The following UST variants were observed in gnomAD, a reference collection of about 807,000 sequenced individuals.
The protein encoded by UST is uronyl 2-sulfotransferase.
A neutral mutation model predicts 45.6 loss-of-function variants in UST; 21 were observed. That is an observed-to-expected ratio of 0.46 (90% CI 0.33 to 0.66). The LOEUF (loss-of-function observed/expected upper bound fraction) is 0.66, where lower values mean the gene tolerates loss of function less well. Among genes scored for constraint, UST ranks in the 30% least tolerant of loss-of-function variants. The pLI is 0.02. For missense variants in UST, 463 were observed against 512.4 expected (o/e 0.90, Z 0.93); for synonymous variants, 215 against 200.6 (o/e 1.07, Z -0.61).
At chr6:149,070,628 T>C (rs999479267) in intron 7 of UST, among the ~76,000 whole-genome samples, 1 of 152,226 alleles carries the variant, frequency 6.6e-6, no homozygotes, top group Non-Finnish European at 1.5e-5. Flanking sequence ...TTTTAATTAA[T>C]ACCTAATGGG....
intron 4 of UST, among the ~76,000 whole-genome samples, chr6:148,962,542 T>C (rs554127993): frequency 1.6e-4 from 25 of 152,298 alleles, no homozygotes; most frequent in Middle Eastern, 6.8e-3. Flanking sequence ...GAAACCCAAT[T>C]TAATTTTAAA....
chr6:148,997,323 A>G (rs1230423785), intron 5 of UST, among the ~76,000 whole-genome samples: 1 of 152,212 alleles, frequency 6.6e-6, no homozygotes, highest in Admixed American at 6.5e-5. Context: ...AAGCAGGACC[A>G]ATGAAAGGGT....
intron 5 of UST, among the ~76,000 whole-genome samples, chr6:148,971,348 A>T (rs529941371): frequency 3.5e-4 from 54 of 152,356 alleles, no homozygotes; most frequent in African/African-American, 1.2e-3. Context: ...TGGAAATAAA[A>T]TGTTGAGCTA....
intron 2 of UST, among the ~76,000 whole-genome samples, chr6:148,897,201 A>G (rs375541960): frequency 2.0e-5 from 3 of 152,126 alleles, no homozygotes; most frequent in South Asian, 2.1e-4. Context: ...TGAGTCTCAC[A>G]CTGTCGTCCA....
intron 1 of UST, among the ~76,000 whole-genome samples, chr6:148,765,366 C>A (rs775841008): frequency 2.6e-5 from 4 of 152,130 alleles, no homozygotes; most frequent in Non-Finnish European, 4.4e-5. Context: ...TGGTTACTAT[C>A]ATCTTGTAGT....
chr6:148,829,924 C>T (rs1191606846), intron 1 of UST, among the ~76,000 whole-genome samples: 2 of 152,128 alleles, frequency 1.3e-5, no homozygotes, highest in Non-Finnish European at 2.9e-5. Context: ...GCAAGAACAT[C>T]CTGGGGTTAG....
At chr6:149,057,708 T>C (rs781746636) in intron 7 of UST, among the ~76,000 whole-genome samples, 2 of 152,158 alleles carry the variant, frequency 1.3e-5, no homozygotes, top group African/African-American at 2.4e-5. Context: ...CAAAATGTAA[T>C]TGGTAATAAT....
intron 2 of UST, among the ~76,000 whole-genome samples, chr6:148,899,944 G>A (rs1304263479): frequency 6.6e-6 from 1 of 152,114 alleles, no homozygotes; most frequent in Non-Finnish European, 1.5e-5. Flanking sequence ...CTAGGTGTAT[G>A]TTATTGGGGC....
intron 7 of UST, among the ~76,000 whole-genome samples, chr6:149,060,491 A>G (rs1183987615): frequency 6.6e-6 from 1 of 152,104 alleles, no homozygotes; most frequent in Admixed American, 6.5e-5. Context: ...GCTGTATTTC[A>G]TCTCTTTGAA....
At chr6:149,024,136 G>C (rs1776018846) in intron 7 of UST, among the ~76,000 whole-genome samples, 1 of 152,200 alleles carries the variant, frequency 6.6e-6, no homozygotes, top group African/African-American at 2.4e-5. Context: ...TTAAAACAGT[G>C]AAACACTTCT....
At chr6:148,967,071 ATT>A (rs1422262828) in intron 5 of UST, among the ~76,000 whole-genome samples, 6 of 152,164 alleles carry the variant, frequency 3.9e-5, no homozygotes, top group African/African-American at 1.4e-4. Context: ...GTCATAAAAT[ATT>A]GAAAGTTGGT....
chr6:148,816,164 T>C (rs755459154), intron 1 of UST, among the ~76,000 whole-genome samples: 2 of 152,224 alleles, frequency 1.3e-5, no homozygotes, highest in Non-Finnish European at 2.9e-5. Context: ...ATTTGCACAC[T>C]TGAGTTAAAA....
At chr6:148,877,733 T>C (rs1465918983) in intron 1 of UST, among the ~76,000 whole-genome samples, 3 of 95,776 alleles carry the variant, frequency 3.1e-5, no homozygotes, top group Non-Finnish European at 5.8e-5. Context: ...TGGTCGTGTA[T>C]GAGTGCAGGG....
intron 2 of UST, among the ~76,000 whole-genome samples, chr6:148,922,550 A>G (rs1274622428): frequency 2.1e-5 from 3 of 145,542 alleles, no homozygotes; most frequent in East Asian, 4.0e-4. Flanking sequence ...GTGCAGTGGC[A>G]CGATCTCAGC....
intron 1 of UST, among the ~76,000 whole-genome samples, chr6:148,779,226 T>A (rs1030866308): frequency 1.3e-5 from 2 of 152,172 alleles, no homozygotes; most frequent in Non-Finnish European, 2.9e-5. Flanking sequence ...TGTCTCCTTT[T>A]CAAGTGTGGA....
intron 1 of UST, among the ~76,000 whole-genome samples, chr6:148,800,481 CTTTGAG>C: frequency 6.6e-6 from 1 of 152,188 alleles, no homozygotes; most frequent in East Asian, 1.9e-4. Context: ...AAGAATCTGG[CTTTGAG>C]TTTGAGTTGG....
At chr6:148,871,308 A>C (rs528985543) in intron 1 of UST, among the ~76,000 whole-genome samples, 2 of 152,206 alleles carry the variant, frequency 1.3e-5, no homozygotes, top group East Asian at 3.9e-4. Flanking sequence ...AATGTTTGCT[A>C]CTTAGGCCAC....
At chr6:148,888,463 G>C (rs1454030683) in intron 2 of UST, among the ~76,000 whole-genome samples, 1 of 152,176 alleles carries the variant, frequency 6.6e-6, no homozygotes, top group Non-Finnish European at 1.5e-5. Context: ...AGATATTTCT[G>C]GATTCAACAC....
intron 1 of UST, among the ~76,000 whole-genome samples, chr6:148,829,123 ATTTC>A (rs1777631661): frequency 6.6e-6 from 1 of 151,136 alleles, no homozygotes; most frequent in Admixed American, 6.6e-5. Context: ...CAAAGTGGAC[ATTTC>A]AAGTTAAGCC....
Sources: gnomAD v4.1 joint callset for allele counts (sites outside exome capture counted in the v4.1 genomes callset) on GRCh38, gnomAD v4.1.1 for gene constraint, MANE v1.5 for transcripts, NCBI Gene and HGNC (gene_info 2026-07-23, HGNC 2026-07-21) for gene names.